KCNK10: variants seen among roughly 807,000 people sequenced by gnomAD.
KCNK10 encodes the protein potassium two pore domain channel subfamily K member 10.
KCNK10 carries 25 observed loss-of-function variants against 47.7 expected under a neutral mutation model. That is an observed-to-expected ratio of 0.52 (90% CI 0.38 to 0.73). The LOEUF is 0.73. Ranked by LOEUF, KCNK10 falls within the 30% of genes least tolerant of loss-of-function variation. KCNK10 has a pLI of 0.00. For missense variants in KCNK10, 563 were observed against 714.5 expected (o/e 0.79, Z 2.42); for synonymous variants, 303 against 285.6 (o/e 1.06, Z -0.61).
At chr14:88,234,939 A>T in intron 3 of KCNK10, 1 of 348,286 alleles carries the variant, frequency 2.9e-6, no homozygotes, top group Non-Finnish European at 5.7e-6. Flanking sequence ...ACAGGGCCCT[A>T]AAGTGGTAAA....
intron 3 of KCNK10, among the ~76,000 whole-genome samples, chr14:88,227,962 G>T (rs576070567): frequency 1.3e-5 from 2 of 152,274 alleles, no homozygotes; most frequent in South Asian, 4.1e-4. Flanking sequence ...ACCGACTGTG[G>T]CTGTCTTGAA....
At chr14:88,227,022 A>T (rs1238121949) in intron 4 of KCNK10, among the ~76,000 whole-genome samples, 1 of 152,196 alleles carries the variant, frequency 6.6e-6, no homozygotes, top group Non-Finnish European at 1.5e-5. Context: ...AACAAAATGG[A>T]TGGATTTACA....
At chr14:88,187,882 C>G in intron 6 of KCNK10, 85 bp downstream of exon 6, 1 of 1,486,864 alleles carries the variant, frequency 6.7e-7, no homozygotes, top group Non-Finnish European at 9.3e-7. Flanking sequence ...CAGAAACACT[C>G]CAGCCCACAG....
intron 4 of KCNK10, among the ~76,000 whole-genome samples, chr14:88,205,542 CTTTTT>C (rs200265659): frequency 8.6e-6 from 1 of 115,780 alleles, no homozygotes; most frequent in Admixed American, 9.4e-5. Context: ...CTTTTCTTTT[CTTTTT>C]TTTTTTTTTT....
At chr14:88,326,190 CAAAAAAAAAT>C (rs1888659633), upstream of KCNK10, among the ~76,000 whole-genome samples, 105 of 134,138 alleles carry the variant, frequency 7.8e-4, no homozygotes, top group African/African-American at 1.4e-3. Context: ...CGCCCCCCCC[CAAAAAAAAAT>C]CCACCAAAAT....
At position 88,263,243 on chromosome 14, in the gene KCNK10, G is replaced by T. The variant is rs1595112568; in HGVS notation, c.361C>A (p.His121Asn). ...AGCTCCTGGGGGCTCACACAGACAT[G>T]ATCCCGCAGGAATTCCGCCTTCTCC... ...ALEKAEFLRD[H>N]VCVSPQELET... Residue 121 changes from histidine (H) to asparagine (N), a missense_variant, in exon 2 of 7, where the codon CAT becomes AAT. Coordinates refer to ENST00000319231, the MANE Select transcript of KCNK10 (RefSeq NM_138317.3). 1.9e-6 allele frequency: 3 copies of T among 1,614,066 alleles called. No individual in the cohort carries two copies. The highest frequency in any genetic ancestry group is 3.3e-5 in the Admixed American group (2 of 60,002).
At chr14:88,252,764 C>A (rs761167544) in intron 2 of KCNK10, among the ~76,000 whole-genome samples, 2 of 152,318 alleles carry the variant, frequency 1.3e-5, no homozygotes, top group South Asian at 4.1e-4. Context: ...CAGAGGCCAA[C>A]AATCTGGCAC....
chr14:88,242,012 T>C (rs1378620085), intron 2 of KCNK10, among the ~76,000 whole-genome samples: 2 of 152,120 alleles, frequency 1.3e-5, no homozygotes, highest in Non-Finnish European at 2.9e-5. Flanking sequence ...AAGCGACAGG[T>C]GGAAGCCTTG....
intron 1 of KCNK10, among the ~76,000 whole-genome samples, chr14:88,282,770 ATTACAGCATGTAATACC>A (rs1339342593): frequency 6.6e-6 from 1 of 152,232 alleles, no homozygotes; most frequent in Non-Finnish European, 1.5e-5. Context: ...CACCTTGAAA[ATTACAGCATGTAATACC>A]TTCTTATTCC....
At chr14:88,291,596 C>G (rs933551719) in intron 1 of KCNK10, among the ~76,000 whole-genome samples, 4 of 152,202 alleles carry the variant, frequency 2.6e-5, no homozygotes, top group Admixed American at 6.5e-5. Flanking sequence ...GCCTGCTGAA[C>G]TGCATACTTC....
Position 88,235,076 on chromosome 14 carries a change from CT to C in KCNK10, c.520+5626del, listed in dbSNP as rs1168261058. 16 of 456,530 alleles carry C rather than the reference CT, an allele frequency of 3.5e-5. No individual in the cohort carries two copies. In the East Asian group the frequency reaches 1.1e-3, roughly 32 times the overall value. 28.3% of individuals were successfully genotyped at this position (456,530 alleles called of 1,614,324 possible). A position where few individuals can be genotyped will look rare whatever the true frequency, so the allele number is the denominator to read the frequency against. On this transcript the variant is annotated intron_variant, in intron 3 of 6. Transcript: ENST00000319231. The stretch of plus-strand genomic sequence containing the variant: ...AAGAGGGAGAGCAGCAGAAGCCACC[CT>C]GAACTTGATCTGGTTCAGAAAACAG...
At chr14:88,242,162 C>G (rs565619090) in intron 2 of KCNK10, among the ~76,000 whole-genome samples, 1 of 152,228 alleles carries the variant, frequency 6.6e-6, no homozygotes, top group South Asian at 2.1e-4. Context: ...TAAGTAATGC[C>G]CATTAAGCTT....
intron 4 of KCNK10, among the ~76,000 whole-genome samples, chr14:88,214,260 C>T (rs1236806009): frequency 2.0e-5 from 3 of 152,034 alleles, no homozygotes; most frequent in African/African-American, 4.8e-5. Context: ...TTAAAACCAT[C>T]GAAGCAGAGC....
At chr14:88,295,950 C>G (rs1887977022) in intron 1 of KCNK10, among the ~76,000 whole-genome samples, 1 of 152,098 alleles carries the variant, frequency 6.6e-6, no homozygotes, top group Non-Finnish European at 1.5e-5. Flanking sequence ...AATTCTTGAT[C>G]CTCAGCCCTT....
At chr14:88,229,446 T>C (rs985097577) in intron 3 of KCNK10, among the ~76,000 whole-genome samples, 1 of 151,970 alleles carries the variant, frequency 6.6e-6, no homozygotes, top group Non-Finnish European at 1.5e-5. Flanking sequence ...AAAAAATCAA[T>C]GGACTGTAAA....
Position 88,185,529 on chromosome 14 carries a change from T to C in KCNK10, c.*6A>G. ...ACGCTCAGTCCAAGACCAATGTCCTTCACATTTAGTTTCTGTCTTCAAGTA... is the reference window on the plus strand; with the variant it reads ...ACGCTCAGTCCAAGACCAATGTCCTCCACATTTAGTTTCTGTCTTCAAGTA... On this transcript the variant is annotated 3_prime_UTR_variant, in exon 7 of 7. Coordinates refer to ENST00000319231, the MANE Select transcript of KCNK10 (RefSeq NM_138317.3). The surrounding 1 kb of genome is among the most constrained non-coding windows in gnomAD (Gnocchi z 4.3). 1.2e-6 allele frequency: 2 copies of C among 1,610,658 alleles called. No homozygotes were observed. The highest frequency in any genetic ancestry group is 1.7e-6 in the Non-Finnish European group (2 of 1,177,588).
At position 88,322,476 on chromosome 14, in the gene KCNK10, T is replaced by TG. The variant is rs1888568822; in HGVS notation, c.52+270dup. Among the ~76,000 whole-genome samples the TG allele has an allele frequency of 6.6e-6, 1 of 151,702 alleles. No homozygotes were observed. The highest frequency in any genetic ancestry group is 1.9e-4 in the East Asian group (1 of 5,130). Reference sequence around the variant, plus strand: ...AAAGTCAAAAGCAAATACCGACACTTGCAATTTCAAACCAAACAGTCGGCT... The same window carrying TG: ...AAAGTCAAAAGCAAATACCGACACTTGGCAATTTCAAACCAAACAGTCGGCT... On this transcript the variant is annotated intron_variant, in intron 1 of 6. Coordinates refer to ENST00000319231, the MANE Select transcript of KCNK10 (RefSeq NM_138317.3). This position sits in a 1 kb window ranked among gnomAD's most constrained non-coding sequence, Gnocchi z 4.8.
At chr14:88,217,379 C>A (rs892633507) in intron 4 of KCNK10, among the ~76,000 whole-genome samples, 2 of 152,128 alleles carry the variant, frequency 1.3e-5, no homozygotes, top group Non-Finnish European at 2.9e-5. Context: ...ACCACTCTGC[C>A]CTCCTCCCCT....
intron 4 of KCNK10, among the ~76,000 whole-genome samples, chr14:88,222,199 C>T (rs1885836099): frequency 6.6e-6 from 1 of 152,164 alleles, no homozygotes; most frequent in African/African-American, 2.4e-5. Flanking sequence ...GAGGCTTATT[C>T]ACTATCATGA....
Sources: gnomAD v4.1 joint callset for allele counts (sites outside exome capture counted in the v4.1 genomes callset) on GRCh38, gnomAD v4.1.1 for gene constraint, Gnocchi (gnomAD v3.1) non-coding constraint, MANE v1.5 for transcripts, NCBI Gene and HGNC (gene_info 2026-07-23, HGNC 2026-07-21) for gene names.